The following KLHL5 variants were observed in gnomAD, a reference collection of about 807,000 sequenced individuals.
The protein encoded by KLHL5 is kelch-like protein 5.
KLHL5 carries 48 observed loss-of-function variants against 77.7 expected under a neutral mutation model. That is an observed-to-expected ratio of 0.62 (90% CI 0.49 to 0.79). KLHL5 has a LOEUF of 0.79. Among genes scored for constraint, KLHL5 ranks in the 30% least tolerant of loss-of-function variants. KLHL5 has a pLI of 0.00. For synonymous variants in KLHL5, 260 were observed against 297.0 expected (o/e 0.88, Z 1.28); for missense variants, 723 against 859.7 (o/e 0.84, Z 1.99).
chr4:39,114,573 G>A (rs964585928), intron 9 of KLHL5, among the ~76,000 whole-genome samples: 2 of 152,180 alleles, frequency 1.3e-5, no homozygotes, highest in Admixed American at 6.5e-5. Flanking sequence ...ACTATATTGG[G>A]GGGAAAACAA....
In KLHL5 at chr4:39,072,437, T is replaced by C. The variant is rs549235552; in HGVS notation, c.384-3528T>C. 1.6e-4 allele frequency among the ~76,000 whole-genome samples: 25 copies of C among 152,080 alleles called. No homozygotes were observed. The South Asian group carries it at 5.0e-3, about 30-fold the overall frequency. The stretch of plus-strand genomic sequence containing the variant: ...TACATAGTGAGTGACAGAGTGAGAG[T>C]TGAACCGAGGTCTATAGGACTCTAG... On this transcript the variant is annotated intron_variant, in intron 1 of 10. Coordinates refer to ENST00000504108, the MANE Select transcript of KLHL5 (RefSeq NM_015990.5).
chr4:39,066,677 T>A (rs1717919421), intron 1 of KLHL5, among the ~76,000 whole-genome samples: 1 of 152,184 alleles, frequency 6.6e-6, no homozygotes, highest in African/African-American at 2.4e-5. Context: ...CATCATAAGT[T>A]AAGGAGCATC....
At chr4:39,109,637 C>CT (rs60921018) in intron 8 of KLHL5, among the ~76,000 whole-genome samples, 125 of 128,562 alleles carry the variant, frequency 9.7e-4, no homozygotes, top group African/African-American at 2.4e-3. Flanking sequence ...CTTTTTTTTT[C>CT]TTTTTTTTTT....
chr4:39,117,022 A>G (rs1722888401), intron 10 of KLHL5, among the ~76,000 whole-genome samples: 1 of 152,106 alleles, frequency 6.6e-6, no homozygotes, highest in Admixed American at 6.5e-5. Flanking sequence ...TTTTTAGTAG[A>G]GACGGGGTTT....
intron 1 of KLHL5, among the ~76,000 whole-genome samples, chr4:39,057,073 C>G (rs117815937): frequency 6.6e-6 from 1 of 152,206 alleles, no homozygotes; most frequent in Non-Finnish European, 1.5e-5. Context: ...TCAAAAACCT[C>G]AACTTCAACC....
At chr4:39,108,956 ACT>A (rs1722242821) in intron 8 of KLHL5, among the ~76,000 whole-genome samples, 1 of 152,158 alleles carries the variant, frequency 6.6e-6, no homozygotes, top group Non-Finnish European at 1.5e-5. Flanking sequence ...CATCTTACTT[ACT>A]TACCTTTTCT....
At chr4:39,139,208 G>C in the KLHL5 span, among the ~76,000 whole-genome samples, 1 of 150,078 alleles carries the variant, frequency 6.7e-6, no homozygotes, top group Non-Finnish European at 1.5e-5. Context: ...CTTGAATCCA[G>C]GAGACGGAGG....
chr4:39,101,497 A>T (rs1039197862), intron 6 of KLHL5, among the ~76,000 whole-genome samples: 8 of 152,112 alleles, frequency 5.3e-5, no homozygotes, highest in African/African-American at 1.9e-4. Flanking sequence ...AAGTATTCAA[A>T]CATATTTTTC....
intron 10 of KLHL5, 171 bp downstream of exon 10, chr4:39,115,501 A>G: frequency 6.7e-7 from 1 of 1,490,792 alleles, no homozygotes; most frequent in Non-Finnish European, 8.9e-7. Context: ...TTATAACATA[A>G]TTAAAATCCA....
chr4:39,087,651 A>G (rs1323320933), intron 5 of KLHL5, among the ~76,000 whole-genome samples: 1 of 152,188 alleles, frequency 6.6e-6, no homozygotes, highest in Non-Finnish European at 1.5e-5. Flanking sequence ...TAACATTTAC[A>G]TGCATAGTTT....
chr4:39,053,921 G>C (rs1427960897), intron 1 of KLHL5, among the ~76,000 whole-genome samples: 1 of 152,222 alleles, frequency 6.6e-6, no homozygotes, highest in African/African-American at 2.4e-5. Context: ...AGGGAGCTAA[G>C]TAGGGAGAAA....
chr4:39,051,624 C>A (rs1193237196), intron 1 of KLHL5, among the ~76,000 whole-genome samples: 1 of 152,150 alleles, frequency 6.6e-6, no homozygotes, highest in African/African-American at 2.4e-5. Context: ...CAGCAGTCCA[C>A]GCAGGCAGCT....
intron 7 of KLHL5, 81 bp from the exon 8 acceptor site, chr4:39,107,488 T>C: frequency 8.9e-7 from 1 of 1,127,472 alleles, no homozygotes; most frequent in Admixed American, 2.0e-5. Flanking sequence ...TAAGGCTTAT[T>C]GTACTTATAC....
intron 1 of KLHL5, among the ~76,000 whole-genome samples, chr4:39,049,810 G>A (rs987841093): frequency 6.6e-6 from 1 of 152,034 alleles, no homozygotes; most frequent in Non-Finnish European, 1.5e-5. Flanking sequence ...AGTGGCTCAC[G>A]CTTTTAATCC....
Position 39,115,178 on chromosome 4 carries a change from A to G in KLHL5, c.1921A>G (p.Met641Val). Reference sequence around the variant, plus strand: ...TTACAGATATGATCCCAAAACAGACATGTGGACTGCAGTAGCATCCATGAG... The same window carrying G: ...TTACAGATATGATCCCAAAACAGACGTGTGGACTGCAGTAGCATCCATGAG... ...CVERYDPKTD[M>V]WTAVASMSIS... Residue 641 changes from methionine to valine, a missense_variant, in exon 10 of 11, where the codon ATG becomes GTG. Met to Val is a conservative substitution (Grantham distance 21). Transcript: ENST00000504108. 6.2e-7 allele frequency: 1 copy of G among 1,610,644 alleles called. No homozygotes were observed. The highest frequency in any genetic ancestry group is 1.1e-5 in the South Asian group (1 of 89,716).
intron 1 of KLHL5, among the ~76,000 whole-genome samples, chr4:39,074,432 C>T (rs1450164678): frequency 6.6e-6 from 1 of 152,174 alleles, no homozygotes; most frequent in Non-Finnish European, 1.5e-5. Context: ...AATCCTCTCC[C>T]TTCAACCCGT....
chr4:39,141,460 C>T, the KLHL5 span, among the ~76,000 whole-genome samples: 4 of 152,012 alleles, frequency 2.6e-5, no homozygotes, highest in African/African-American at 4.8e-5. Flanking sequence ...AGGCGCCCGC[C>T]ACCACGCCAG....
At chr4:39,114,886 C>A (rs1722726978) in intron 9 of KLHL5, among the ~76,000 whole-genome samples, 1 of 152,142 alleles carries the variant, frequency 6.6e-6, no homozygotes, top group South Asian at 2.1e-4. Context: ...TTGCTTTCCC[C>A]AAATTTTCGG....
At chr4:39,077,214 T>C (rs1719143534) in intron 2 of KLHL5, among the ~76,000 whole-genome samples, 1 of 152,020 alleles carries the variant, frequency 6.6e-6, no homozygotes, top group African/African-American at 2.4e-5. Flanking sequence ...ATCCCAGCAC[T>C]TTAGGAGGCT....
Sources: gnomAD v4.1 joint callset for allele counts (sites outside exome capture counted in the v4.1 genomes callset) on GRCh38, gnomAD v4.1.1 for gene constraint, MANE v1.5 for transcripts, NCBI Gene and HGNC (gene_info 2026-07-23, HGNC 2026-07-21) for gene names.